The following ZNF577 variants were observed in gnomAD, a reference collection of about 807,000 sequenced individuals.
ZNF577 encodes zinc finger protein 577.
ZNF577 carries 14 observed loss-of-function variants against 13.9 expected under a neutral mutation model. That is an observed-to-expected ratio of 1.00 (90% CI 0.66 to 1.57). The LOEUF (loss-of-function observed/expected upper bound fraction) is 1.57. Among genes scored for constraint, ZNF577 ranks in the 40% most tolerant of loss-of-function variants. The pLI is 0.00. For synonymous variants in ZNF577, 203 were observed against 202.9 expected (o/e 1.00, Z 0.00); for missense variants, 555 against 579.2 (o/e 0.96, Z 0.43).
intron 4 of ZNF577, 22 bp downstream of exon 4, chr19:51,878,367 G>C: frequency 6.2e-7 from 1 of 1,611,054 alleles, no homozygotes; most frequent in Non-Finnish European, 8.5e-7. Context: ...GAAAAGGTAA[G>C]TGACGGCAAT....
intron 5 of ZNF577, among the ~76,000 whole-genome samples, chr19:51,851,189 AGCCAGTCATTTT>A (rs1365267294): frequency 6.6e-6 from 1 of 152,218 alleles, no homozygotes; most frequent in Non-Finnish European, 1.5e-5. Context: ...ACCAATTATA[AGCCAGTCATTTT>A]GCCAGGCATT....
At chr19:51,882,109 A>G (rs1388174183) in intron 1 of ZNF577, among the ~76,000 whole-genome samples, 1 of 152,148 alleles carries the variant, frequency 6.6e-6, no homozygotes, top group Non-Finnish European at 1.5e-5. Flanking sequence ...GGACCAGTCC[A>G]AAAACAGTGG....
chr19:51,826,416 A>C (rs1375286602), intron 9 of ZNF577, among the ~76,000 whole-genome samples: 1 of 152,162 alleles, frequency 6.6e-6, no homozygotes, highest in Non-Finnish European at 1.5e-5. Context: ...AGCCAACTGG[A>C]TCTTGGGTTT....
chr19:51,805,154 G>A (rs1477924803), exon 11 of ZNF577: 3 of 152,152 alleles, frequency 2.0e-5, no homozygotes, highest in Non-Finnish European at 2.9e-5. Flanking sequence ...ATGGGCCTTC[G>A]GCTCCCTGCA....
At chr19:51,858,652 T>G (rs2084463646) in intron 5 of ZNF577, among the ~76,000 whole-genome samples, 1 of 152,132 alleles carries the variant, frequency 6.6e-6, no homozygotes, top group Non-Finnish European at 1.5e-5. Context: ...AACAATAGGT[T>G]TCACTGATAA....
chr19:51,878,637 A>G (rs1339289109), intron 3 of ZNF577, 122 bp from the exon 4 acceptor site: 1 of 1,256,636 alleles, frequency 8.0e-7, no homozygotes, highest in Non-Finnish European at 1.1e-6. Flanking sequence ...GCTATTTCAC[A>G]TACCAAAGGA....
chr19:51,838,696 G>A (rs1263573367), intron 9 of ZNF577, among the ~76,000 whole-genome samples: 2 of 150,564 alleles, frequency 1.3e-5, no homozygotes, highest in African/African-American at 2.4e-5. Context: ...TCTGCTTTAT[G>A]TATTTAAGAA....
At chr19:51,883,309 G>T (rs1164960135) in intron 1 of ZNF577, among the ~76,000 whole-genome samples, 5 of 150,612 alleles carry the variant, frequency 3.3e-5, no homozygotes, top group Admixed American at 6.6e-5. Context: ...TTTTTTTATA[G>T]AGACAAGGTC....
intron 3 of ZNF577, chr19:51,878,848 A>T (rs1478510914): frequency 9.7e-6 from 2 of 207,200 alleles, no homozygotes; most frequent in African/African-American, 4.5e-5. Context: ...AAAATGTTAA[A>T]ATCAATGAGG....
chr19:51,828,052 C>T lies in ZNF577; in HGVS notation c.*599+11841G>A, dbSNP rs114831733. On this transcript the variant is annotated intron_variant and NMD_transcript_variant, in intron 9 of 10. Transcript: ENST00000638827. Reference sequence around the variant, plus strand: ...CAGGAGGTGTATATTCTTAAATGCCCAGCCAAGGTGTAGCCATAGAAAATA... The same window carrying T: ...CAGGAGGTGTATATTCTTAAATGCCTAGCCAAGGTGTAGCCATAGAAAATA... Among the ~76,000 whole-genome samples, 877 of 152,184 alleles carry T rather than the reference C, an allele frequency of 5.8e-3. 12 individuals are homozygous for T. Among genetic ancestry groups the T allele is most frequent in the African/African-American group, 0.019 (803 of 41,542 alleles).
intron 5 of ZNF577, among the ~76,000 whole-genome samples, chr19:51,845,905 T>C (rs750135669): frequency 6.6e-6 from 1 of 152,252 alleles, no homozygotes; most frequent in Non-Finnish European, 1.5e-5. Flanking sequence ...CTCTTGGCTA[T>C]TGTGAATAAC....
intron 9 of ZNF577, among the ~76,000 whole-genome samples, chr19:51,839,317 C>T (rs2084306274): frequency 6.6e-6 from 1 of 152,002 alleles, no homozygotes; most frequent in Admixed American, 6.5e-5. Context: ...TCACTTGAGC[C>T]CAGGAGGTTG....
At chr19:51,831,948 C>A (rs2084263088) in intron 9 of ZNF577, among the ~76,000 whole-genome samples, 1 of 152,208 alleles carries the variant, frequency 6.6e-6, no homozygotes, top group Non-Finnish European at 1.5e-5. Context: ...TCAGTTTAAA[C>A]ATAACCTCCT....
At chr19:51,810,302 G>A (rs992820995) in intron 10 of ZNF577, among the ~76,000 whole-genome samples, 18 of 152,140 alleles carry the variant, frequency 1.2e-4, no homozygotes, top group Admixed American at 2.0e-4. Context: ...TTTACAATCC[G>A]CGTTTGCATC....
At chr19:51,884,040 G>T (rs2084905001) in intron 1 of ZNF577, among the ~76,000 whole-genome samples, 1 of 152,192 alleles carries the variant, frequency 6.6e-6, no homozygotes. Flanking sequence ...CGCCACTGCA[G>T]TCCGGCCTCG....
chr19:51,880,103 C>CAGA (rs1164954946), intron 3 of ZNF577, among the ~76,000 whole-genome samples: 1 of 152,178 alleles, frequency 6.6e-6, no homozygotes, highest in Non-Finnish European at 1.5e-5. Context: ...GTCAGATGAC[C>CAGA]AGAAGCCTCT....
Position 51,880,399 on chromosome 19 carries a change from C to T in ZNF577, c.-17G>A, listed in dbSNP as rs754511775. On this transcript the variant is annotated splice_region_variant and 5_prime_UTR_variant, in exon 3 of 6. Coordinates refer to ENST00000638348, the MANE Select transcript of ZNF577 (RefSeq NM_001370449.1). ...ATTTTTCATGTGTTTCCTGTTATTTCAGCTGCCAAAAAAAAGGAGACACAG... is the reference window on the plus strand; with the variant it reads ...ATTTTTCATGTGTTTCCTGTTATTTTAGCTGCCAAAAAAAAGGAGACACAG... 6.2e-7 allele frequency: 1 copy of T among 1,613,746 alleles called. No homozygotes were observed.
chr19:51,852,603 C>CAA (rs10656850), intron 5 of ZNF577, among the ~76,000 whole-genome samples: 57,329 of 151,968 alleles, frequency 0.38, 11,914 homozygotes, highest in African/African-American at 0.54. Context: ...CTACCTCTAA[C>CAA]AGAGGTAAGC....
At chr19:51,827,171 T>C (rs1395385914) in intron 9 of ZNF577, among the ~76,000 whole-genome samples, 2 of 152,164 alleles carry the variant, frequency 1.3e-5, no homozygotes, top group African/African-American at 4.8e-5. Flanking sequence ...AGAAGGGTGT[T>C]AGTTAGGGAA....
Sources: allele counts gnomAD v4.1 joint callset (sites outside exome capture counted in the v4.1 genomes callset), GRCh38; gene constraint gnomAD v4.1.1; transcripts MANE v1.5; gene names NCBI Gene and HGNC (gene_info 2026-07-23, HGNC 2026-07-21).